The following ADGRB3 variants were observed in gnomAD, a reference collection of about 807,000 sequenced individuals.
ADGRB3 encodes brain-specific angiogenesis inhibitor 3.
Under a neutral mutation model 193.4 loss-of-function variants are expected in ADGRB3, and 37 were observed. The ratio of observed to expected loss-of-function variants is 0.19; its 90% CI spans 0.15 to 0.25. The LOEUF is 0.25. ADGRB3 is among the 10% of genes least tolerant of loss of function. The probability of loss-of-function intolerance (pLI) is 1.00; values close to 1 mark genes in which losing one functional copy is unlikely to be tolerated. For synonymous variants in ADGRB3, 690 were observed against 644.2 expected (o/e 1.07, Z -1.08); for missense variants, 1,637 against 1,852.9 (o/e 0.88, Z 2.14).
chr6:68,951,348 G>A (rs569826437), intron 6 of ADGRB3, among the ~76,000 whole-genome samples: 6 of 152,182 alleles, frequency 3.9e-5, no homozygotes, highest in African/African-American at 9.6e-5. Flanking sequence ...CTCTAATATC[G>A]TCGTCTCCTG....
At chr6:69,108,164 A>G (rs1203506043) in intron 17 of ADGRB3, among the ~76,000 whole-genome samples, 1 of 151,720 alleles carries the variant, frequency 6.6e-6, no homozygotes, top group Non-Finnish European at 1.5e-5. Flanking sequence ...TTTTTCTTTT[A>G]GGAGAGACTG....
intron 3 of ADGRB3, among the ~76,000 whole-genome samples, chr6:68,748,806 G>A: frequency 6.6e-6 from 1 of 152,178 alleles, no homozygotes; most frequent in East Asian, 1.9e-4. Context: ...TTCTCCATGA[G>A]GACCCCGCCC....
At chr6:68,784,179 G>T (rs1485211156) in intron 3 of ADGRB3, among the ~76,000 whole-genome samples, 1 of 152,018 alleles carries the variant, frequency 6.6e-6, no homozygotes, top group Non-Finnish European at 1.5e-5. Context: ...TAGCATAGCT[G>T]TTTTTTGCTA....
At chr6:68,902,370 A>G (rs1766419967) in intron 3 of ADGRB3, among the ~76,000 whole-genome samples, 2 of 152,112 alleles carry the variant, frequency 1.3e-5, no homozygotes, top group African/African-American at 4.8e-5. Flanking sequence ...TTATTAACAC[A>G]TGGTAGTGTC....
intron 30 of ADGRB3, among the ~76,000 whole-genome samples, chr6:69,376,566 G>C (rs1423259509): frequency 1.3e-5 from 2 of 151,980 alleles, no homozygotes; most frequent in African/African-American, 4.8e-5. Context: ...GGGGGCTTGA[G>C]TTTTTACAAG....
intron 17 of ADGRB3, among the ~76,000 whole-genome samples, chr6:69,172,231 A>G (rs927073357): frequency 6.6e-6 from 1 of 152,150 alleles, no homozygotes; most frequent in Non-Finnish European, 1.5e-5. Context: ...TTGATCTTTT[A>G]TATTATAGAA....
chr6:68,892,753 G>A (rs776738903), intron 3 of ADGRB3, among the ~76,000 whole-genome samples: 1 of 151,438 alleles, frequency 6.6e-6, no homozygotes, highest in Admixed American at 6.6e-5. Flanking sequence ...AGTATATTTC[G>A]GCAAAAAAAC....
At chr6:68,963,097 T>C (rs1402132143) in intron 8 of ADGRB3, among the ~76,000 whole-genome samples, 1 of 152,158 alleles carries the variant, frequency 6.6e-6, no homozygotes, top group Non-Finnish European at 1.5e-5. Context: ...TCCATCATGG[T>C]ATTTCTCTCA....
At chr6:69,011,753 C>T (rs1769944303) in intron 11 of ADGRB3, among the ~76,000 whole-genome samples, 1 of 152,032 alleles carries the variant, frequency 6.6e-6, no homozygotes, top group South Asian at 2.1e-4. Flanking sequence ...TCATTATATA[C>T]ACTGAGGATA....
intron 21 of ADGRB3, 28 bp downstream of exon 21, chr6:69,325,050 C>G: frequency 6.3e-7 from 1 of 1,596,694 alleles, no homozygotes. Flanking sequence ...CCGTTTCATG[C>G]TCTTCTCAAA....
chr6:69,169,999 AACC>A (rs1775232629), intron 17 of ADGRB3, among the ~76,000 whole-genome samples: 1 of 152,144 alleles, frequency 6.6e-6, no homozygotes, highest in African/African-American at 2.4e-5. Context: ...AGATCGAGAA[AACC>A]ATTCAGGCTT....
chr6:69,349,994 G>A (rs1304187261), intron 26 of ADGRB3, among the ~76,000 whole-genome samples: 1 of 152,082 alleles, frequency 6.6e-6, no homozygotes, highest in South Asian at 2.1e-4. Context: ...ACAATGACGC[G>A]CTACCAGCTG....
At chr6:68,765,084 G>A (rs1435218885) in intron 3 of ADGRB3, among the ~76,000 whole-genome samples, 1 of 152,100 alleles carries the variant, frequency 6.6e-6, no homozygotes, top group Non-Finnish European at 1.5e-5. Context: ...GATTCTCAGG[G>A]TTCATGTGAA....
chr6:68,866,283 G>C (rs114352918), intron 3 of ADGRB3, among the ~76,000 whole-genome samples: 1 of 152,104 alleles, frequency 6.6e-6, no homozygotes, highest in Admixed American at 6.5e-5. Context: ...TTCTCAATGA[G>C]ATATGATGGT....
chr6:68,962,313 G>A (rs1366129246), intron 8 of ADGRB3, among the ~76,000 whole-genome samples: 1 of 152,158 alleles, frequency 6.6e-6, no homozygotes, highest in African/African-American at 2.4e-5. Flanking sequence ...ATCAAGCTGA[G>A]TTGTATGGGC....
At chr6:68,790,135 A>C (rs36099840) in intron 3 of ADGRB3, among the ~76,000 whole-genome samples, 15,368 of 152,134 alleles carry the variant, frequency 0.1, 913 homozygotes, top group Middle Eastern at 0.15. Context: ...GATCATCTGA[A>C]GCCTTCTTCT....
At chr6:69,021,465 G>A (rs1770266986) in intron 13 of ADGRB3, among the ~76,000 whole-genome samples, 1 of 151,776 alleles carries the variant, frequency 6.6e-6, no homozygotes. Context: ...CTGTTTTCTA[G>A]TTACTGGATT....
chr6:68,946,552 A>G (rs1191849030), intron 6 of ADGRB3, among the ~76,000 whole-genome samples: 1 of 152,148 alleles, frequency 6.6e-6, no homozygotes, highest in Non-Finnish European at 1.5e-5. Flanking sequence ...ACCATACTAC[A>G]TGATATCCCT....
chr6:69,328,111 A>G (rs549333907), intron 22 of ADGRB3, among the ~76,000 whole-genome samples: 5 of 152,304 alleles, frequency 3.3e-5, no homozygotes, highest in African/African-American at 1.2e-4. Flanking sequence ...TTTCTTAATA[A>G]GACCAGCATA....
Sources: gnomAD v4.1 joint callset for allele counts (sites outside exome capture counted in the v4.1 genomes callset) on GRCh38, gnomAD v4.1.1 for gene constraint, MANE v1.5 for transcripts, NCBI Gene and HGNC (gene_info 2026-07-23, HGNC 2026-07-21) for gene names.